Variants in ERC2 observed in about 807,000 individuals in gnomAD.
The protein encoded by ERC2 is ELKS/RAB6-interacting/CAST family member 2.
In ERC2, 42 loss-of-function variants were observed where a neutral mutation model predicts 114.8. The observed-to-expected ratio is 0.37, with a 90% CI of 0.29 to 0.47. The LOEUF is 0.47. ERC2 is among the 20% of genes least tolerant of loss of function. The pLI is 0.99. For synonymous variants in ERC2, 454 were observed against 425.5 expected, an observed-to-expected ratio of 1.07 and a Z score of -0.82; for missense variants, 939 against 1,150.7, an observed-to-expected ratio of 0.82 and a Z score of 2.66.
chr3:56,377,102 T>C (rs1210586464), intron 2 of ERC2, among the ~76,000 whole-genome samples: 1 of 152,320 alleles, frequency 6.6e-6, no homozygotes, highest in African/African-American at 2.4e-5. Context: ...AGAGGCCCAA[T>C]GTTAATATCA....
chr3:55,637,730 C>A (rs1048782538), intron 17 of ERC2, among the ~76,000 whole-genome samples: 5 of 152,110 alleles, frequency 3.3e-5, no homozygotes, highest in Non-Finnish European at 7.3e-5. Context: ...GTCAAAAGAA[C>A]CTGCTCTCTC....
chr3:55,718,679 TCA>T (rs1469730561), intron 15 of ERC2, among the ~76,000 whole-genome samples: 1 of 152,172 alleles, frequency 6.6e-6, no homozygotes, highest in African/African-American at 2.4e-5. Context: ...TGCCTGCCCC[TCA>T]CAGACTCTCT....
chr3:55,674,623 C>T (rs1699796831), intron 17 of ERC2, among the ~76,000 whole-genome samples: 1 of 152,184 alleles, frequency 6.6e-6, no homozygotes, highest in South Asian at 2.1e-4. Flanking sequence ...GACAAAGATA[C>T]AATGTGCAGC....
At chr3:56,247,826 A>G (rs1051185113) in intron 3 of ERC2, among the ~76,000 whole-genome samples, 12 of 152,218 alleles carry the variant, frequency 7.9e-5, no homozygotes, top group Admixed American at 7.2e-4. Flanking sequence ...GACCTTCAGC[A>G]AGTTATTTCC....
intron 2 of ERC2, among the ~76,000 whole-genome samples, chr3:56,375,241 A>C (rs2059496257): frequency 6.6e-6 from 1 of 152,202 alleles, no homozygotes; most frequent in African/African-American, 2.4e-5. Context: ...GAGAGCGGGA[A>C]AGGGATGAAG....
chr3:55,622,248 A>G (rs902481983), intron 17 of ERC2, among the ~76,000 whole-genome samples: 1 of 152,198 alleles, frequency 6.6e-6, no homozygotes. Flanking sequence ...TGATATAACA[A>G]ATATGAAGTG....
chr3:56,037,023 AC>A (rs1444416808), intron 7 of ERC2, among the ~76,000 whole-genome samples: 1 of 152,218 alleles, frequency 6.6e-6, no homozygotes, highest in Non-Finnish European at 1.5e-5. Context: ...AAAAGCCCCT[AC>A]AAAAACCCCA....
chr3:56,125,702 G>T (rs962364920), intron 6 of ERC2, among the ~76,000 whole-genome samples: 21 of 152,266 alleles, frequency 1.4e-4, no homozygotes, highest in Admixed American at 2.6e-4. Flanking sequence ...TAGAAAAACT[G>T]CAAAAAGTTA....
At chr3:55,941,720 C>G (rs1431240128) in intron 13 of ERC2, among the ~76,000 whole-genome samples, 1 of 152,172 alleles carries the variant, frequency 6.6e-6, no homozygotes, top group Admixed American at 6.6e-5. Context: ...AAGAGACTTC[C>G]TGACTCTCTT....
chr3:56,329,404 C>T (rs1039856193), intron 2 of ERC2, among the ~76,000 whole-genome samples: 1 of 152,154 alleles, frequency 6.6e-6, no homozygotes, highest in Non-Finnish European at 1.5e-5. Flanking sequence ...CTCCAGGAGC[C>T]CTATCAGGTT....
intron 2 of ERC2, among the ~76,000 whole-genome samples, chr3:56,341,070 G>A (rs552691951): frequency 2.6e-5 from 4 of 152,302 alleles, no homozygotes; most frequent in African/African-American, 9.6e-5. Context: ...ATCTTATTGA[G>A]CTTAGATGAG....
intron 17 of ERC2, among the ~76,000 whole-genome samples, chr3:55,613,579 A>T (rs926596760): frequency 2.6e-5 from 4 of 152,188 alleles, no homozygotes. Flanking sequence ...GAGCCTGGGC[A>T]AGTTGATTAA....
intron 3 of ERC2, among the ~76,000 whole-genome samples, chr3:56,180,723 T>A (rs183501270): frequency 8.4e-4 from 128 of 152,308 alleles, no homozygotes; most frequent in African/African-American, 3.0e-3. Context: ...TCCTAGAGAT[T>A]GGTTGTACAA....
Position 56,080,928 on chromosome 3 carries a change from T to C in ERC2, c.1530A>G (p.Thr510=), listed in dbSNP as rs1236106553. ...EEKESFLNKK[T]KQLQDLTEEK... is the part of the protein sequence containing the mutation. ...CTTCTGTGAGGTCCTGTAGCTGTTT[T>C]GTTTTTTTATTGAGGAAAGATTCTT... The change falls in exon 7 of 18, where the codon ACA becomes ACG. Residue 510 remains threonine, a synonymous_variant. Coordinates refer to ENST00000288221, the MANE Select transcript of ERC2 (RefSeq NM_015576.3). 1 of 1,613,650 alleles carries C rather than the reference T, an allele frequency of 6.2e-7. No homozygotes were observed. Among genetic ancestry groups the C allele is most frequent in the Admixed American group, 1.7e-5 (1 of 59,972 alleles).
chr3:55,575,490 C>A (rs1205300285), intron 17 of ERC2, among the ~76,000 whole-genome samples: 1 of 152,234 alleles, frequency 6.6e-6, no homozygotes, highest in Non-Finnish European at 1.5e-5. Flanking sequence ...CATGTAACCT[C>A]TTGATTGCAT....
In ERC2 at chr3:55,733,585, C is replaced by CACACA. The variant is rs1360159340; in HGVS notation, c.2712+1185_2712+1186insTGTGT. Among the ~76,000 whole-genome samples, 4 of 146,066 alleles carry CACACA rather than the reference C, an allele frequency of 2.7e-5. No homozygotes were observed. In the South Asian group the frequency reaches 6.7e-4, roughly 24 times the overall value. ...ACACACACACACACACACACACACA[C>CACACA]ATTCTCTGTCTCTCTCACTGTCTCT... On this transcript the variant is annotated intron_variant, in intron 15 of 17. Coordinates refer to ENST00000288221, the MANE Select transcript of ERC2 (RefSeq NM_015576.3).
intron 2 of ERC2, among the ~76,000 whole-genome samples, chr3:56,404,557 A>T (rs1209432182): frequency 6.6e-6 from 1 of 152,234 alleles, no homozygotes; most frequent in Non-Finnish European, 1.5e-5. Context: ...TGTACATTTT[A>T]AAATAGCTAA....
At chr3:55,872,556 G>C (rs561931595) in intron 14 of ERC2, among the ~76,000 whole-genome samples, 42 of 152,094 alleles carry the variant, frequency 2.8e-4, no homozygotes, top group Non-Finnish European at 5.1e-4. Context: ...TAGTTCTCCA[G>C]AAATTTGAGA....
At chr3:56,049,054 G>T (rs200071481) in intron 7 of ERC2, among the ~76,000 whole-genome samples, 2 of 152,164 alleles carry the variant, frequency 1.3e-5, no homozygotes, top group Non-Finnish European at 2.9e-5. Context: ...TGGCCAAAGG[G>T]GGGCAGGCAG....
Sources: allele counts gnomAD v4.1 joint callset (sites outside exome capture counted in the v4.1 genomes callset), GRCh38; gene constraint gnomAD v4.1.1; transcripts MANE v1.5; gene names NCBI Gene and HGNC (gene_info 2026-07-23, HGNC 2026-07-21).